Variants in PRR16 observed in about 807,000 individuals in gnomAD.
PRR16 encodes the protein proline rich 16, also known as protein Largen.
PRR16 carries 6 observed loss-of-function variants against 18.2 expected under a neutral mutation model. The observed-to-expected ratio is 0.33, with a 90% CI of 0.18 to 0.65. The LOEUF is 0.65. Among genes scored for constraint, PRR16 ranks in the 30% least tolerant of loss-of-function variants. PRR16 has a pLI of 0.74. For synonymous variants in PRR16, 151 were observed against 147.8 expected, an observed-to-expected ratio of 1.02 and a Z score of -0.16; for missense variants, 412 against 376.6, an observed-to-expected ratio of 1.09 and a Z score of -0.78.
At chr5:120,784,379 C>G in the PRR16 span, among the ~76,000 whole-genome samples, 1 of 152,122 alleles carries the variant, frequency 6.6e-6, no homozygotes, top group African/African-American at 2.4e-5. Context: ...ATTATTTTCT[C>G]TATTTCATAA....
the PRR16 span, among the ~76,000 whole-genome samples, chr5:120,760,943 A>G: frequency 6.6e-6 from 1 of 152,046 alleles, no homozygotes; most frequent in South Asian, 2.1e-4. Context: ...ATTACCTCCC[A>G]AACAAGTTGC....
At chr5:120,683,936 C>T (rs1258175416) in intron 1 of PRR16, among the ~76,000 whole-genome samples, 1 of 143,408 alleles carries the variant, frequency 7.0e-6, no homozygotes, top group East Asian at 2.1e-4. Context: ...AAAAAAAAAA[C>T]CAAAAAAGTC....
chr5:120,633,857 T>C (rs1755141245), intron 1 of PRR16, among the ~76,000 whole-genome samples: 1 of 151,562 alleles, frequency 6.6e-6, no homozygotes, highest in African/African-American at 2.4e-5. Flanking sequence ...AGGACTTTAA[T>C]ATTCCACTGA....
At chr5:120,700,745 C>G in the PRR16 span, among the ~76,000 whole-genome samples, 1 of 152,052 alleles carries the variant, frequency 6.6e-6, no homozygotes, top group Non-Finnish European at 1.5e-5. Context: ...GGGTAGCCTC[C>G]GTGCTGATTA....
At chr5:120,565,235 G>A (rs942405885) in intron 1 of PRR16, among the ~76,000 whole-genome samples, 1 of 152,064 alleles carries the variant, frequency 6.6e-6, no homozygotes, top group Admixed American at 6.5e-5. Context: ...TTATATGCAT[G>A]TGTTTGATAC....
At chr5:120,731,203 T>A in the PRR16 span, among the ~76,000 whole-genome samples, 1 of 152,296 alleles carries the variant, frequency 6.6e-6, no homozygotes, top group South Asian at 2.1e-4. Context: ...TAGAGATATA[T>A]GTGGACAGTA....
downstream of PRR16, among the ~76,000 whole-genome samples, chr5:120,688,540 T>C (rs776057831): frequency 5.3e-5 from 8 of 152,182 alleles, no homozygotes; most frequent in Non-Finnish European, 7.3e-5. Context: ...TTAGTCTTGA[T>C]ATAAATAAAG....
intron 1 of PRR16, among the ~76,000 whole-genome samples, chr5:120,554,196 T>C (rs141943143): frequency 6.6e-6 from 1 of 151,896 alleles, no homozygotes; most frequent in African/African-American, 2.4e-5. Context: ...AAACTCACCT[T>C]GGGAGGATAT....
Position 120,686,169 on chromosome 5 carries a change from T to A in PRR16, c.375T>A (p.Pro125=). ...TGAGAAAGCCAAACCCTCCACCACC[T>A]CCTCCAAGGTTGACACCTGTGAAGT... The part of the protein sequence containing the change: ...TVLRKPNPPP[P]PPRLTPVKCE... The change falls in exon 2 of 2, where the codon CCT becomes CCA. Residue 125 remains proline, a synonymous_variant. Coordinates refer to ENST00000407149, the MANE Select transcript of PRR16 (RefSeq NM_001300783.2). The A allele has an allele frequency of 6.2e-7, 1 of 1,614,028 alleles. No individual in the cohort carries two copies. The highest frequency in any genetic ancestry group is 8.5e-7 in the Non-Finnish European group (1 of 1,179,980).
intron 1 of PRR16, among the ~76,000 whole-genome samples, chr5:120,483,605 C>G (rs1749693362): frequency 6.6e-6 from 1 of 152,078 alleles, no homozygotes; most frequent in Admixed American, 6.6e-5. Context: ...AAACACTGTT[C>G]TTGATCATGT....
At chr5:120,539,654 G>A (rs1751845090) in intron 1 of PRR16, among the ~76,000 whole-genome samples, 1 of 151,656 alleles carries the variant, frequency 6.6e-6, no homozygotes, top group East Asian at 1.9e-4. Flanking sequence ...TGTGCCCCTT[G>A]AACCTGAAAT....
At chr5:120,584,389 T>A (rs1473484854) in intron 1 of PRR16, among the ~76,000 whole-genome samples, 1 of 152,232 alleles carries the variant, frequency 6.6e-6, no homozygotes, top group East Asian at 1.9e-4. Context: ...CGTAGTTGTA[T>A]AATTCTAGCT....
At chr5:120,674,741 T>A (rs1756737227) in intron 1 of PRR16, among the ~76,000 whole-genome samples, 1 of 152,084 alleles carries the variant, frequency 6.6e-6, no homozygotes, top group Non-Finnish European at 1.5e-5. Flanking sequence ...TTTCTGTTTC[T>A]GGAACTCCTT....
intron 1 of PRR16, among the ~76,000 whole-genome samples, chr5:120,522,913 G>A (rs1751233703): frequency 1.3e-5 from 2 of 152,096 alleles, no homozygotes; most frequent in Non-Finnish European, 2.9e-5. Flanking sequence ...ACCACACCCG[G>A]CCCAAAATCT....
intron 1 of PRR16, among the ~76,000 whole-genome samples, chr5:120,681,668 ACT>A (rs1180484272): frequency 2.6e-5 from 4 of 152,162 alleles, no homozygotes; most frequent in African/African-American, 9.6e-5. Context: ...TAAGAGCAAT[ACT>A]CTCTCAGTCT....
intron 1 of PRR16, among the ~76,000 whole-genome samples, chr5:120,662,663 G>T (rs1756216340): frequency 6.6e-6 from 1 of 151,920 alleles, no homozygotes; most frequent in South Asian, 2.1e-4. Context: ...TTTTCATCTT[G>T]CTATGTTTAA....
At chr5:120,690,942 T>C (rs1757201963), downstream of PRR16, among the ~76,000 whole-genome samples, 1 of 152,136 alleles carries the variant, frequency 6.6e-6, no homozygotes, top group Non-Finnish European at 1.5e-5. Flanking sequence ...TAAATCGACA[T>C]GGGGTATGGA....
chr5:120,485,424 C>T lies in PRR16; in HGVS notation c.159+20779C>T, dbSNP rs755051744. ...TATACTTTTCCGCACGTTTCTTAGA[C>T]GCATTTTGGTTAATGGCAAATGCCA... On this transcript the variant is annotated intron_variant, in intron 1 of 1. Coordinates refer to ENST00000407149, the MANE Select transcript of PRR16 (RefSeq NM_001300783.2). Among the ~76,000 whole-genome samples, 9 of 152,268 alleles carry T rather than the reference C, an allele frequency of 5.9e-5. No individual in the cohort carries two copies. The South Asian group carries it at 8.3e-4, about 14-fold the overall frequency.
At chr5:120,676,763 C>A (rs193255782) in intron 1 of PRR16, among the ~76,000 whole-genome samples, 1 of 151,990 alleles carries the variant, frequency 6.6e-6, no homozygotes, top group Non-Finnish European at 1.5e-5. Context: ...AATATGATTC[C>A]TCTAGAAGTC....
Sources: gnomAD v4.1 joint callset for allele counts (sites outside exome capture counted in the v4.1 genomes callset) on GRCh38, gnomAD v4.1.1 for gene constraint, MANE v1.5 for transcripts, NCBI Gene and HGNC (gene_info 2026-07-23, HGNC 2026-07-21) for gene names.